KCND3: variants seen among roughly 807,000 people sequenced by gnomAD.
The protein encoded by KCND3 is potassium voltage-gated channel subfamily D member 3.
KCND3 carries 9 observed loss-of-function variants against 51.1 expected under a neutral mutation model. That is an observed-to-expected ratio of 0.18 (90% confidence interval 0.11 to 0.31). The LOEUF (loss-of-function observed/expected upper bound fraction) is 0.31, where lower values mean the gene tolerates loss of function less well. KCND3 is among the 10% of genes least tolerant of loss of function. KCND3 has a pLI of 1.00. For synonymous variants in KCND3, 349 were observed against 368.0 expected (o/e 0.95, Z 0.59); for missense variants, 526 against 903.8 (o/e 0.58, Z 5.36).
At chr1:111,826,065 C>T (rs1666556344) in intron 2 of KCND3, among the ~76,000 whole-genome samples, 1 of 152,144 alleles carries the variant, frequency 6.6e-6, no homozygotes, top group Non-Finnish European at 1.5e-5. Flanking sequence ...ATTGTGATTA[C>T]TAGTAAGATT....
At chr1:111,800,959 A>G (rs1398743703) in intron 2 of KCND3, among the ~76,000 whole-genome samples, 1 of 152,250 alleles carries the variant, frequency 6.6e-6, no homozygotes, top group Non-Finnish European at 1.5e-5. Context: ...GTCAGGGTTC[A>G]CAAGAAAGAG....
chr1:111,963,933 C>T (rs1345456505), intron 2 of KCND3, among the ~76,000 whole-genome samples: 2 of 152,214 alleles, frequency 1.3e-5, no homozygotes, highest in Admixed American at 6.5e-5. Context: ...AATCATCTTA[C>T]GGCCTTCCTT....
chr1:111,821,056 A>T (rs1467240385), intron 2 of KCND3, among the ~76,000 whole-genome samples: 1 of 152,214 alleles, frequency 6.6e-6, no homozygotes, highest in Non-Finnish European at 1.5e-5. Flanking sequence ...TTTGTGATAC[A>T]TTGTTATGGC....
At chr1:111,972,298 A>G (rs1459980327) in intron 2 of KCND3, among the ~76,000 whole-genome samples, 4 of 147,082 alleles carry the variant, frequency 2.7e-5, no homozygotes, top group Admixed American at 2.1e-4. Context: ...TCAGCCTCCC[A>G]AGTAGCTGGG....
At chr1:111,979,689 G>C (rs1160017704) in intron 2 of KCND3, among the ~76,000 whole-genome samples, 1 of 152,156 alleles carries the variant, frequency 6.6e-6, no homozygotes, top group Non-Finnish European at 1.5e-5. Context: ...CTGAGCCTCA[G>C]CTTCTGCATC....
At chr1:111,805,203 T>G (rs951001013) in intron 2 of KCND3, among the ~76,000 whole-genome samples, 3 of 151,140 alleles carry the variant, frequency 2.0e-5, no homozygotes, top group African/African-American at 7.4e-5. Flanking sequence ...TTAGTCTCAA[T>G]GGAATATCAA....
chr1:111,962,911 T>C (rs1488257488), intron 2 of KCND3, among the ~76,000 whole-genome samples: 2 of 152,228 alleles, frequency 1.3e-5, no homozygotes, highest in African/African-American at 4.8e-5. Context: ...CAACAGAGCT[T>C]GTGTATGAGG....
intron 2 of KCND3, among the ~76,000 whole-genome samples, chr1:111,913,864 C>T (rs775295871): frequency 7.9e-5 from 12 of 152,180 alleles, no homozygotes; most frequent in Non-Finnish European, 1.8e-4. Flanking sequence ...CCACTGCACT[C>T]TACCCTGGGC....
At chr1:111,794,249 A>G (rs1296437483) in intron 2 of KCND3, among the ~76,000 whole-genome samples, 2 of 152,258 alleles carry the variant, frequency 1.3e-5, no homozygotes, top group African/African-American at 4.8e-5. Flanking sequence ...CTTAAGCTGC[A>G]CAAACCACCT....
intron 2 of KCND3, among the ~76,000 whole-genome samples, chr1:111,911,825 C>T (rs949023746): frequency 6.6e-6 from 1 of 152,172 alleles, no homozygotes; most frequent in Non-Finnish European, 1.5e-5. Context: ...GGACAAAAGG[C>T]GATACAGGAC....
Position 111,773,385 on chromosome 1 carries a change from T to C in KCND3, c.*2692A>G, listed in dbSNP as rs1000979301. On this transcript the variant is annotated 3_prime_UTR_variant, in exon 8 of 8. Transcript: ENST00000302127. ...TCATCACAGGAAGTTTGTATGTGTG[T>C]GCAACCAGTTCTAATTTACCTCCTT... The C allele has an allele frequency of 4.0e-5, 6 of 151,840 alleles. No individual in the cohort carries two copies. Among genetic ancestry groups the C allele is most frequent in the African/African-American group, 1.2e-4 (5 of 41,346 alleles). 9.4% of individuals were successfully genotyped at this position (151,840 alleles called of 1,614,324 possible).
intron 2 of KCND3, among the ~76,000 whole-genome samples, chr1:111,935,486 G>A (rs1672176407): frequency 6.9e-6 from 1 of 145,608 alleles, no homozygotes; most frequent in Non-Finnish European, 1.6e-5. Context: ...ATTGCCCAGA[G>A]AGGAAAAACA....
chr1:111,961,159 G>C (rs894971182), intron 2 of KCND3, among the ~76,000 whole-genome samples: 2 of 152,206 alleles, frequency 1.3e-5, no homozygotes, highest in African/African-American at 2.4e-5. Flanking sequence ...CCAGGATTCT[G>C]GCTGGCCACA....
At chr1:111,860,522 G>C (rs494643) in intron 2 of KCND3, among the ~76,000 whole-genome samples, 1 of 151,944 alleles carries the variant, frequency 6.6e-6, no homozygotes, top group Middle Eastern at 3.4e-3. Flanking sequence ...CATGGTTACA[G>C]CTTCTCAGTC....
At chr1:111,803,849 G>A (rs1479938739) in intron 2 of KCND3, among the ~76,000 whole-genome samples, 10 of 152,090 alleles carry the variant, frequency 6.6e-5, no homozygotes, top group South Asian at 2.1e-4. Flanking sequence ...AAGAACCATC[G>A]ACTCCAACTC....
intron 2 of KCND3, among the ~76,000 whole-genome samples, chr1:111,827,818 A>G (rs1259240020): frequency 2.0e-5 from 3 of 152,158 alleles, no homozygotes; most frequent in African/African-American, 7.2e-5. Flanking sequence ...GCTCCAGGAT[A>G]CCCTGATGAC....
chr1:111,829,912 G>C lies in KCND3; in HGVS notation c.1107-42806C>G, dbSNP rs139864524. ...TGATTTCTCCCAGGTAGCACTGGTG[G>C]CTGCATCCTTAGTGTTGCGTTGACC... On this transcript the variant is annotated intron_variant, in intron 2 of 7. Transcript: ENST00000302127. Among the ~76,000 whole-genome samples the C allele has an allele frequency of 3.8e-3, 582 of 152,240 alleles. 5 individuals carry two copies. The highest frequency in any genetic ancestry group is 0.013 in the African/African-American group (545 of 41,516).
chr1:111,778,688 C>A (rs1375636221), intron 5 of KCND3, among the ~76,000 whole-genome samples, 196 bp from the exon 6 acceptor site: 1 of 151,970 alleles, frequency 6.6e-6, no homozygotes, highest in Non-Finnish European at 1.5e-5. Flanking sequence ...CCCTGCTCAA[C>A]CCCAACATTC....
chr1:111,787,267 A>G (rs775138899), intron 2 of KCND3, among the ~76,000 whole-genome samples, 161 bp from the exon 3 acceptor site: 1 of 152,206 alleles, frequency 6.6e-6, no homozygotes, highest in Non-Finnish European at 1.5e-5. Context: ...CTGGGGGTGA[A>G]CAAGAGAGAC....
Sources: allele counts gnomAD v4.1 joint callset (sites outside exome capture counted in the v4.1 genomes callset), GRCh38; gene constraint gnomAD v4.1.1; transcripts MANE v1.5; gene names NCBI Gene and HGNC (gene_info 2026-07-23, HGNC 2026-07-21).